Variants in TUSC3 observed in about 807,000 individuals in gnomAD.
TUSC3 encodes the protein dolichyl-diphosphooligosaccharide--protein glycosyltransferase subunit TUSC3.
TUSC3 carries 45 observed loss-of-function variants against 44.8 expected under a neutral mutation model. That is an observed-to-expected ratio of 1.00 (90% CI 0.79 to 1.29). The LOEUF (loss-of-function observed/expected upper bound fraction) is 1.29, where lower values mean the gene tolerates loss of function less well. TUSC3 is among the 50% of genes most tolerant of loss of function. The pLI is 0.00. For synonymous variants in TUSC3, 212 were observed against 152.9 expected, an observed-to-expected ratio of 1.39 and a Z score of -2.85; for missense variants, 519 against 437.9, an observed-to-expected ratio of 1.19 and a Z score of -1.65.
intron 1 of TUSC3, among the ~76,000 whole-genome samples, chr8:15,418,309 A>C (rs2129114546): frequency 6.6e-6 from 1 of 152,302 alleles, no homozygotes; most frequent in Non-Finnish European, 1.5e-5. Context: ...ACGTAAACAA[A>C]AGGTCCTTTT....
the TUSC3 span, among the ~76,000 whole-genome samples, chr8:15,793,196 TTCTC>T: frequency 2.0e-5 from 3 of 152,024 alleles, no homozygotes; most frequent in Admixed American, 6.6e-5. Flanking sequence ...TCATAGTTCT[TTCTC>T]TCCTCAGTCA....
At chr8:15,501,605 A>G (rs535621367) in intron 2 of TUSC3, among the ~76,000 whole-genome samples, 19 of 152,342 alleles carry the variant, frequency 1.2e-4, no homozygotes, top group Non-Finnish European at 2.4e-4. Context: ...AGAAGCTACA[A>G]TGGTTTATGG....
At chr8:15,588,847 T>G (rs1355844615) in intron 1 of TUSC3, among the ~76,000 whole-genome samples, 1 of 152,104 alleles carries the variant, frequency 6.6e-6, no homozygotes, top group Non-Finnish European at 1.5e-5. Context: ...GCAGTTTTGT[T>G]GCATATCAGT....
chr8:15,572,068 A>G lies in TUSC3; in HGVS notation c.138+31500A>G, dbSNP rs144170935. On this transcript the variant is annotated intron_variant, in intron 1 of 10. Coordinates refer to ENST00000503731, the MANE Select transcript of TUSC3 (RefSeq NM_006765.4). ...GCTTCAACTTTAAGTCACCAGCTGC[A>G]TTAGCCCCTACCAAGAGATTCAGCC... Among the ~76,000 whole-genome samples the G allele has an allele frequency of 2.7e-3, 416 of 152,280 alleles. 3 individuals are homozygous for G. The highest frequency in any genetic ancestry group is 8.8e-3 in the African/African-American group (366 of 41,566).
intron 1 of TUSC3, among the ~76,000 whole-genome samples, chr8:15,438,837 A>G (rs1263993168): frequency 6.6e-6 from 1 of 152,200 alleles, no homozygotes; most frequent in African/African-American, 2.4e-5. Flanking sequence ...AAAGATGATG[A>G]GTGAATATGC....
chr8:15,835,353 G>A, the TUSC3 span, among the ~76,000 whole-genome samples: 1 of 150,084 alleles, frequency 6.7e-6, no homozygotes, highest in Admixed American at 6.6e-5. Context: ...TAATTTATAT[G>A]AGGATTCAAC....
intron 6 of TUSC3, among the ~76,000 whole-genome samples, chr8:15,725,937 T>C (rs973052324): frequency 1.3e-5 from 2 of 152,168 alleles, no homozygotes; most frequent in African/African-American, 4.8e-5. Context: ...CTTCATTAAA[T>C]TGAATGGCTA....
chr8:15,717,856 T>G (rs1810119774), intron 6 of TUSC3, among the ~76,000 whole-genome samples: 1 of 152,090 alleles, frequency 6.6e-6, no homozygotes, highest in South Asian at 2.1e-4. Flanking sequence ...CAAGCGCAGA[T>G]TCACATCATA....
chr8:15,435,222 G>T (rs1026123364), intron 1 of TUSC3, among the ~76,000 whole-genome samples: 1 of 151,576 alleles, frequency 6.6e-6, no homozygotes, highest in African/African-American at 2.4e-5. Context: ...TTTAATGATC[G>T]CCATTCTAAC....
the TUSC3 span, among the ~76,000 whole-genome samples, chr8:15,849,361 C>A: frequency 6.6e-6 from 1 of 152,176 alleles, no homozygotes; most frequent in Non-Finnish European, 1.5e-5. Flanking sequence ...TGCACAGACA[C>A]AAACTTGATC....
chr8:15,618,964 T>C lies in TUSC3; in HGVS notation c.139-4116T>C, dbSNP rs374689625. The stretch of plus-strand genomic sequence containing the variant: ...AAGTGATTAACATCACTGCGACACA[T>C]GACTGTATTTCTGTGGGTTTTGGCA... On this transcript the variant is annotated intron_variant, in intron 1 of 10. Coordinates refer to ENST00000503731, the MANE Select transcript of TUSC3 (RefSeq NM_006765.4). Among the ~76,000 whole-genome samples, 10 of 152,252 alleles carry C rather than the reference T, an allele frequency of 6.6e-5. No individual in the cohort carries two copies. The East Asian group carries it at 1.3e-3, about 21-fold the overall frequency.
chr8:15,729,160 A>C (rs1810613621), intron 6 of TUSC3, among the ~76,000 whole-genome samples: 1 of 152,146 alleles, frequency 6.6e-6, no homozygotes, highest in Admixed American at 6.6e-5. Flanking sequence ...TTGTTACGTA[A>C]ATTTGGCCAT....
chr8:15,583,731 G>A (rs1317986839), intron 1 of TUSC3, among the ~76,000 whole-genome samples: 2 of 152,178 alleles, frequency 1.3e-5, no homozygotes. Context: ...TATTTTGTGG[G>A]AGGTTTAATT....
intron 2 of TUSC3, among the ~76,000 whole-genome samples, chr8:15,629,519 C>T (rs939904370): frequency 6.7e-6 from 1 of 149,114 alleles, no homozygotes; most frequent in Non-Finnish European, 1.5e-5. Context: ...TGTAGATGCA[C>T]TGAGAAAGGG....
the TUSC3 span, among the ~76,000 whole-genome samples, chr8:15,845,108 G>C: frequency 1.6e-4 from 24 of 152,216 alleles, no homozygotes; most frequent in African/African-American, 5.3e-4. Context: ...AGCTAGAGAA[G>C]GCAAAATCAT....
the TUSC3 span, among the ~76,000 whole-genome samples, chr8:15,774,397 A>G: frequency 5.3e-5 from 8 of 152,180 alleles, no homozygotes; most frequent in Non-Finnish European, 1.2e-4. Flanking sequence ...GAAGGAAGCC[A>G]TGTATGGACA....
At position 15,524,113 on chromosome 8, in the gene TUSC3, A is replaced by AT. The variant is rs555800236; in HGVS notation, n.189+40637dup. 4.0e-4 allele frequency among the ~76,000 whole-genome samples: 61 copies of AT among 151,522 alleles called. 1 individual carries two copies. The highest frequency in any genetic ancestry group is 3.9e-3 in the Admixed American group (59 of 15,170). On this transcript the variant is annotated intron_variant and non_coding_transcript_variant, in intron 2 of 5. Coordinates refer to the TUSC3 transcript ENST00000503191. ...TTTGGTTTGCATTTGATTTAGATGC[A>AT]TTTTTTTATACTAAACTAGCCCACA...
chr8:15,833,357 G>A, the TUSC3 span, among the ~76,000 whole-genome samples: 32 of 152,140 alleles, frequency 2.1e-4, no homozygotes, highest in African/African-American at 7.7e-4. Context: ...CTCATTACTG[G>A]GTATATACCA....
the TUSC3 span, chr8:15,806,573 C>A: frequency 6.2e-6 from 9 of 1,461,862 alleles, no homozygotes; most frequent in Admixed American, 5.1e-5. Context: ...CATAACATCC[C>A]AGATACTATC....
Sources: allele counts gnomAD v4.1 joint callset (sites outside exome capture counted in the v4.1 genomes callset), GRCh38; gene constraint gnomAD v4.1.1; transcripts MANE v1.5; gene names NCBI Gene and HGNC (gene_info 2026-07-23, HGNC 2026-07-21).